Variants in FAM120C observed in about 807,000 individuals in gnomAD.
FAM120C encodes constitutive coactivator of PPAR-gamma-like protein 2.
FAM120C carries 14 observed loss-of-function variants against 71.2 expected under a neutral mutation model. The observed-to-expected ratio is 0.20, with a 90% CI of 0.13 to 0.31. The LOEUF (loss-of-function observed/expected upper bound fraction) is 0.31. Ranked by LOEUF, FAM120C falls within the 10% of genes least tolerant of loss-of-function variation. The probability of loss-of-function intolerance (pLI) is 1.00; values close to 1 mark genes in which losing one functional copy is unlikely to be tolerated. For synonymous variants in FAM120C, 354 were observed against 353.2 expected (o/e 1.00, Z -0.03); for missense variants, 500 against 879.0 (o/e 0.57, Z 5.45).
intron 5 of FAM120C, among the ~76,000 whole-genome samples, chrX:54,136,246 C>T (rs983749415): frequency 1.3e-4 from 15 of 111,621 alleles, no homozygotes; most frequent in Non-Finnish European, 2.4e-4. Flanking sequence ...ATGATCCGCC[C>T]GCCTCAGCTT....
intron 9 of FAM120C, among the ~76,000 whole-genome samples, chrX:54,128,895 TC>T (rs1351509540): frequency 9.0e-6 from 1 of 110,573 alleles, no homozygotes; most frequent in Non-Finnish European, 1.9e-5. Flanking sequence ...ACAGCAACCA[TC>T]CGATTTCTCA....
rs2067108670 is a variant in FAM120C, at chrX:54,138,871, G to T, written c.1159-2281C>A. On this transcript the variant is annotated intron_variant, in intron 4 of 15. Transcript: ENST00000375180. ...AAGGCAAAACTAATCTGTGGCAACA[G>T]AAGTAAAAATTAATGTTTATCTCTG... is the stretch of plus-strand genomic sequence containing the variant. Among the ~76,000 whole-genome samples the T allele has an allele frequency of 2.7e-5, 3 of 112,390 alleles. No individual in the cohort carries two copies. The Admixed American group carries it at 2.8e-4, about 11-fold the overall frequency.
At position 54,117,629 on chromosome X, in the gene FAM120C, C is replaced by T. The variant is rs149542209; in HGVS notation, c.2063-835G>A. On this transcript the variant is annotated intron_variant, in intron 9 of 15. Transcript: ENST00000375180. ...AGGAGAATCGCTTGAACCTGGGAGG[C>T]GGAGATTGCAGTGAGCCAAGATCAA... is the stretch of plus-strand genomic sequence containing the variant. Among the ~76,000 whole-genome samples, 64 of 105,526 alleles carry T rather than the reference C, an allele frequency of 6.1e-4. 2 individuals are homozygous for T. In the East Asian group the frequency reaches 0.012, roughly 20 times the overall value. The allele number at this position is 105,526 out of a possible 115,157, so 91.6% of individuals were successfully genotyped here. A position where few individuals can be genotyped will look rare whatever the true frequency, so the allele number is the denominator to read the frequency against.
At chrX:54,092,745 T>C (rs1557122805) in intron 10 of FAM120C, among the ~76,000 whole-genome samples, 1 of 111,828 alleles carries the variant, frequency 8.9e-6, no homozygotes, top group African/African-American at 3.2e-5. Flanking sequence ...TTAATATTGT[T>C]TCTTTTTTTG....
At chrX:54,141,766 C>A (rs2067127120) in intron 4 of FAM120C, among the ~76,000 whole-genome samples, 1 of 111,080 alleles carries the variant, frequency 9.0e-6, no homozygotes, top group African/African-American at 3.3e-5. Context: ...TTAGAAGAGT[C>A]ATAGAATACA....
chrX:54,133,655 G>T, intron 8 of FAM120C, 118 bp downstream of exon 8: 1 of 828,680 alleles, frequency 1.2e-6, no homozygotes, highest in Non-Finnish European at 1.7e-6. Context: ...ACCACATGTG[G>T]CCTTCTTTTT....
intron 9 of FAM120C, among the ~76,000 whole-genome samples, chrX:54,125,330 G>A (rs1006976589): frequency 5.4e-5 from 6 of 110,251 alleles, no homozygotes; most frequent in African/African-American, 6.6e-5. Flanking sequence ...ACAGGGTCTC[G>A]CTCTGACACC....
intron 10 of FAM120C, among the ~76,000 whole-genome samples, chrX:54,103,615 A>G: frequency 8.9e-6 from 1 of 111,786 alleles, no homozygotes; most frequent in South Asian, 3.7e-4. Flanking sequence ...TCTTTAGCGT[A>G]TTTTAAGTTC....
chrX:54,092,676 G>A (rs1442999391), intron 10 of FAM120C, among the ~76,000 whole-genome samples: 1 of 111,648 alleles, frequency 9.0e-6, no homozygotes, highest in Non-Finnish European at 1.9e-5. Flanking sequence ...TCCTGAAATT[G>A]TAGGAAGACA....
intron 4 of FAM120C, among the ~76,000 whole-genome samples, chrX:54,146,411 T>C (rs1300608528): frequency 8.9e-6 from 1 of 112,336 alleles, no homozygotes; most frequent in Non-Finnish European, 1.9e-5. Flanking sequence ...CTGGGTGCAG[T>C]GGCTCATGCC....
intron 1 of FAM120C, among the ~76,000 whole-genome samples, chrX:54,176,857 G>A (rs782243348): frequency 9.0e-6 from 1 of 111,100 alleles, no homozygotes; most frequent in Non-Finnish European, 1.9e-5. Flanking sequence ...ATTTAAAAGA[G>A]AATTATGCGA....
chrX:54,178,197 G>A (rs2067328711), intron 1 of FAM120C, among the ~76,000 whole-genome samples: 2 of 112,241 alleles, frequency 1.8e-5, no homozygotes, highest in Non-Finnish European at 3.8e-5. Flanking sequence ...GGCAGAGACT[G>A]AAACTGTAGA....
At chrX:54,117,373 A>C (rs782516484) in intron 9 of FAM120C, among the ~76,000 whole-genome samples, 29 of 95,997 alleles carry the variant, frequency 3.0e-4, no homozygotes, top group African/African-American at 1.0e-3. Context: ...ATAAAATAAA[A>C]TAAAATAAAA....
At chrX:54,092,402 G>A (rs1176490980) in intron 10 of FAM120C, among the ~76,000 whole-genome samples, 1 of 110,304 alleles carries the variant, frequency 9.1e-6, no homozygotes, top group African/African-American at 3.3e-5. Flanking sequence ...AAAATTAGCC[G>A]GGTGTGGTGG....
At chrX:54,177,819 C>T (rs2067326568) in intron 1 of FAM120C, among the ~76,000 whole-genome samples, 1 of 111,308 alleles carries the variant, frequency 9.0e-6, no homozygotes, top group Admixed American at 9.6e-5. Flanking sequence ...TTTAAAGAAG[C>T]AGGCAGAAGA....
At chrX:54,078,057 C>T (rs1238832098) in intron 15 of FAM120C, among the ~76,000 whole-genome samples, 1 of 100,385 alleles carries the variant, frequency 1.0e-5, no homozygotes, top group East Asian at 3.2e-4. Flanking sequence ...CATTCTCCTG[C>T]CTCAGCCTCC....
At position 54,116,503 on chromosome X, in the gene FAM120C, T is replaced by C. The variant is rs1557126625; in HGVS notation, c.2312+42A>G. On this transcript the variant is annotated intron_variant, in intron 10 of 15. Transcript: ENST00000375180. The stretch of plus-strand genomic sequence containing the variant: ...GTGCTTAAAGGAAATATAAAAAAAG[T>C]AAAAGAGAAAGAACAGGCCACCTGC... The C allele has an allele frequency of 1.2e-5, 14 of 1,166,582 alleles. No homozygotes were observed. The East Asian group carries it at 4.2e-4, about 35-fold the overall frequency.
At chrX:54,129,350 G>A (rs1557128815) in intron 9 of FAM120C, among the ~76,000 whole-genome samples, 1 of 109,310 alleles carries the variant, frequency 9.1e-6, no homozygotes, top group African/African-American at 3.3e-5. Context: ...CGGGGTCGCA[G>A]CCGGGCAGAG....
At position 54,154,088 on chromosome X, in the gene FAM120C, T is replaced by C. The variant is rs1358726690; in HGVS notation, c.1030-2715A>G. Among the ~76,000 whole-genome samples the C allele has an allele frequency of 2.8e-5, 3 of 108,370 alleles. No homozygotes were observed. In the Admixed American group the frequency reaches 3.0e-4, roughly 11 times the overall value. The allele number at this position is 108,370 out of a possible 115,157, so 94.1% of individuals were successfully genotyped here. ...CTCTCCTGTTATATTGAGAATAAAA[T>C]GGAGGTAAGGGGAAGAGTGTAAGTA... On this transcript the variant is annotated intron_variant, in intron 3 of 15. Coordinates refer to ENST00000375180, the MANE Select transcript of FAM120C (RefSeq NM_017848.6).
Sources: allele counts gnomAD v4.1 joint callset (sites outside exome capture counted in the v4.1 genomes callset), GRCh38; gene constraint gnomAD v4.1.1; transcripts MANE v1.5; gene names NCBI Gene and HGNC (gene_info 2026-07-23, HGNC 2026-07-21).